Variants in ADAMTS16 observed in about 807,000 individuals in gnomAD.
ADAMTS16 encodes ADAM metallopeptidase with thrombospondin type 1 motif 16, also known as A disintegrin and metalloproteinase with thrombospondin motifs 16.
Under a neutral mutation model 145.8 loss-of-function variants are expected in ADAMTS16, and 94 were observed. That is an observed-to-expected ratio of 0.64 (90% confidence interval 0.55 to 0.77). ADAMTS16 has a LOEUF of 0.77. Ranked by LOEUF, ADAMTS16 falls within the 30% of genes least tolerant of loss-of-function variation. The pLI, the probability that ADAMTS16 is intolerant of heterozygous loss-of-function variation, is 0.00. For missense variants in ADAMTS16, 1,585 were observed against 1,591.5 expected (o/e 1.00, Z 0.07); for synonymous variants, 659 against 604.3 (o/e 1.09, Z -1.33).
At chr5:5,245,222 C>G (rs1339639779) in intron 17 of ADAMTS16, among the ~76,000 whole-genome samples, 1 of 152,128 alleles carries the variant, frequency 6.6e-6, no homozygotes, top group Non-Finnish European at 1.5e-5. Context: ...TTCTAAATTT[C>G]AAAAGTTAAA....
At chr5:5,295,507 G>A (rs1739495935) in intron 18 of ADAMTS16, among the ~76,000 whole-genome samples, 1 of 152,234 alleles carries the variant, frequency 6.6e-6, no homozygotes, top group African/African-American at 2.4e-5. Flanking sequence ...GCAGCAGAAG[G>A]ATGCTGACAT....
chr5:5,289,323 T>A (rs986739098), intron 18 of ADAMTS16, among the ~76,000 whole-genome samples: 1 of 152,248 alleles, frequency 6.6e-6, no homozygotes. Context: ...TTTGCTTTCT[T>A]ACTTACTGCA....
intron 18 of ADAMTS16, among the ~76,000 whole-genome samples, chr5:5,271,205 A>G (rs1738459173): frequency 6.6e-6 from 1 of 152,232 alleles, no homozygotes; most frequent in African/African-American, 2.4e-5. Flanking sequence ...GCATTGCCAG[A>G]TGGGATCCCC....
intron 19 of ADAMTS16, 42 bp from the exon 20 acceptor site, chr5:5,303,530 A>T: frequency 6.2e-7 from 1 of 1,609,382 alleles, no homozygotes; most frequent in Non-Finnish European, 8.5e-7. Flanking sequence ...GCTGTGTTGC[A>T]CATGGCCCTC....
chr5:5,316,976 T>G (rs1188086829), intron 21 of ADAMTS16, among the ~76,000 whole-genome samples: 1 of 152,152 alleles, frequency 6.6e-6, no homozygotes, highest in Non-Finnish European at 1.5e-5. Context: ...TCCAGACACT[T>G]CTCCTTCTAT....
intron 8 of ADAMTS16, among the ~76,000 whole-genome samples, chr5:5,194,190 C>T (rs992845546): frequency 3.3e-5 from 5 of 152,100 alleles, no homozygotes; most frequent in African/African-American, 1.2e-4. Context: ...TCAGATCTTT[C>T]TTGAACACCT....
At chr5:5,179,019 A>G (rs1237235470) in intron 3 of ADAMTS16, among the ~76,000 whole-genome samples, 1 of 151,880 alleles carries the variant, frequency 6.6e-6, no homozygotes, top group Admixed American at 6.6e-5. Context: ...CATCAGGGCG[A>G]AGCATAATAT....
intron 3 of ADAMTS16, 36 bp downstream of exon 3, chr5:5,146,491 G>A (rs1273717264): frequency 6.4e-7 from 1 of 1,557,830 alleles, no homozygotes; most frequent in East Asian, 2.3e-5. Context: ...GGGAGGCGAG[G>A]TTGGTGATGG....
At chr5:5,272,360 ATTTT>A (rs11444357) in intron 18 of ADAMTS16, among the ~76,000 whole-genome samples, 3 of 122,508 alleles carry the variant, frequency 2.4e-5, no homozygotes, top group Middle Eastern at 4.2e-3. Flanking sequence ...ATTCCAAAGG[ATTTT>A]TTTTTTTTTT....
chr5:5,291,341 G>A (rs571106926), intron 18 of ADAMTS16, among the ~76,000 whole-genome samples: 1 of 152,246 alleles, frequency 6.6e-6, no homozygotes, highest in African/African-American at 2.4e-5. Context: ...CTGGAATCCT[G>A]TGGACCACAT....
chr5:5,228,837 T>C (rs1440807494), intron 11 of ADAMTS16, among the ~76,000 whole-genome samples: 1 of 152,244 alleles, frequency 6.6e-6, no homozygotes, highest in Admixed American at 6.5e-5. Context: ...TGTTCTTAGC[T>C]CCCACATTTT....
chr5:5,224,123 C>T (rs780749937), intron 11 of ADAMTS16, among the ~76,000 whole-genome samples: 2 of 151,854 alleles, frequency 1.3e-5, no homozygotes, highest in Non-Finnish European at 2.9e-5. Flanking sequence ...GAGAATAGCC[C>T]CCAGCCACCA....
At chr5:5,219,039 G>A (rs1321640122) in intron 10 of ADAMTS16, among the ~76,000 whole-genome samples, 1 of 152,014 alleles carries the variant, frequency 6.6e-6, no homozygotes. Flanking sequence ...GCGACATTTG[G>A]GCATGAAAAC....
rs117585618 is a variant in ADAMTS16 at position 5,144,697 on chromosome 5, C to T, written c.176-1433C>T. ...ATCAGCAGCGTTTGAAAGAGGTGGC[C>T]GGTGGTGGACTGATTTTTTGTTAAT... On this transcript the variant is annotated intron_variant, in intron 2 of 22. Coordinates refer to ENST00000274181, the MANE Select transcript of ADAMTS16 (RefSeq NM_139056.4). 1.4e-3 allele frequency among the ~76,000 whole-genome samples: 210 copies of T among 152,204 alleles called. 1 individual carries two copies. The East Asian group carries it at 0.023, about 17-fold the overall frequency.
chr5:5,201,020 A>T (rs1410478693), intron 9 of ADAMTS16, among the ~76,000 whole-genome samples: 3 of 152,196 alleles, frequency 2.0e-5, no homozygotes, highest in African/African-American at 7.2e-5. Context: ...GTTTGGTTTA[A>T]ATCTTAAGCC....
At chr5:5,261,578 C>T (rs139166555) in intron 17 of ADAMTS16, among the ~76,000 whole-genome samples, 1 of 151,072 alleles carries the variant, frequency 6.6e-6, no homozygotes, top group Non-Finnish European at 1.5e-5. Flanking sequence ...CCTCCAACTA[C>T]CTGGTTCCAG....
chr5:5,305,307 TC>T (rs1740060995), intron 20 of ADAMTS16, among the ~76,000 whole-genome samples: 1 of 16,118 alleles, frequency 6.2e-5, no homozygotes, highest in Non-Finnish European at 1.2e-4. Flanking sequence ...CACACACACA[TC>T]CCACACCACA....
In ADAMTS16 at chr5:5,190,043, G is replaced by A. The variant is rs760593664; in HGVS notation, c.1120G>A (p.Gly374Arg). The change falls in exon 7 of 23, where the codon GGG becomes AGG. Residue 374 changes from glycine to arginine, a missense_variant. Gly to Arg is a moderately radical substitution (Grantham distance 125). Coordinates refer to ENST00000274181, the MANE Select transcript of ADAMTS16 (RefSeq NM_139056.4). ...CTGCCAGTGGCAGTCTGGATTGATG[G>A]GGAAAGATGGGACTCGTCATGACCA... is the stretch of plus-strand genomic sequence containing the variant. ...SFCQWQSGLMGKDGTRHDHAI... is the reference protein window; with the variant it reads ...SFCQWQSGLMRKDGTRHDHAI... The A allele has an allele frequency of 1.9e-6, 3 of 1,613,134 alleles. No individual in the cohort carries two copies. Among genetic ancestry groups the A allele is most frequent in the African/African-American group, 1.3e-5 (1 of 74,884 alleles).
At chr5:5,230,820 T>C (rs1418094920) in intron 11 of ADAMTS16, among the ~76,000 whole-genome samples, 1 of 152,212 alleles carries the variant, frequency 6.6e-6, no homozygotes, top group East Asian at 1.9e-4. Context: ...TAAACATCCT[T>C]GCTTTTGAGA....
Sources: gnomAD v4.1 joint callset for allele counts (sites outside exome capture counted in the v4.1 genomes callset) on GRCh38, gnomAD v4.1.1 for gene constraint, MANE v1.5 for transcripts, NCBI Gene and HGNC (gene_info 2026-07-23, HGNC 2026-07-21) for gene names.